DNAI4: variants seen among roughly 807,000 people sequenced by gnomAD.
DNAI4 encodes the protein WD repeat domain 78.
A neutral mutation model predicts 105.8 loss-of-function variants in DNAI4; 85 were observed. The observed-to-expected ratio is 0.80, with a 90% CI of 0.67 to 0.96. The LOEUF (loss-of-function observed/expected upper bound fraction) is 0.96. DNAI4 is among the 40% of genes least tolerant of loss of function. The probability of loss-of-function intolerance (pLI) is 0.00; values close to 1 mark genes in which losing one functional copy is unlikely to be tolerated. For synonymous variants in DNAI4, 352 were observed against 331.5 expected (o/e 1.06, Z -0.67); for missense variants, 1,014 against 1,005.6 (o/e 1.01, Z -0.11).
At chr1:66,913,120 TC>T in intron 1 of DNAI4, among the ~76,000 whole-genome samples, 1 of 152,290 alleles carries the variant, frequency 6.6e-6, no homozygotes, top group South Asian at 2.1e-4. Context: ...GTTTTTTCTT[TC>T]CTGCTTCTAA....
At chr1:66,843,489 T>C (rs146008464) in intron 8 of DNAI4, among the ~76,000 whole-genome samples, 1 of 152,322 alleles carries the variant, frequency 6.6e-6, no homozygotes, top group African/African-American at 2.4e-5. Context: ...ACTTGTCTTC[T>C]TATTCTCTTG....
chr1:66,815,985 G>C (rs1645507029), intron 16 of DNAI4, among the ~76,000 whole-genome samples: 1 of 152,026 alleles, frequency 6.6e-6, no homozygotes, highest in Non-Finnish European at 1.5e-5. Flanking sequence ...ATCGGGAAGG[G>C]GCCAGAGTTT....
chr1:66,826,503 G>C (rs1645756991), intron 15 of DNAI4, among the ~76,000 whole-genome samples: 1 of 152,078 alleles, frequency 6.6e-6, no homozygotes, highest in Non-Finnish European at 1.5e-5. Context: ...TTGCCATGTT[G>C]GCCAGGCTGG....
At position 66,898,633 on chromosome 1, in the gene DNAI4, T is replaced by G. The variant is rs570351156; in HGVS notation, c.346-5220A>C. Among the ~76,000 whole-genome samples, 19 of 152,302 alleles carry G rather than the reference T, an allele frequency of 1.2e-4. No homozygotes were observed. The South Asian group carries it at 3.9e-3, about 32-fold the overall frequency. On this transcript the variant is annotated intron_variant, in intron 2 of 16. Transcript: ENST00000371026. The stretch of plus-strand genomic sequence containing the variant: ...CAGGACCCTGCAGAGAGTCCCCCAC[T>G]AGCGAGGAGATCCTCACCAGATGTG...
chr1:66,909,285 T>TAC (rs71058481), intron 1 of DNAI4, among the ~76,000 whole-genome samples: 3,723 of 134,520 alleles, frequency 0.028, 76 homozygotes, highest in African/African-American at 0.039. Flanking sequence ...CACCTCTCTC[T>TAC]ACACACACAC....
intron 3 of DNAI4, among the ~76,000 whole-genome samples, chr1:66,891,497 T>TGGGTGAAATGGA (rs1553227137): frequency 6.6e-6 from 1 of 152,272 alleles, no homozygotes; most frequent in African/African-American, 2.4e-5. Context: ...AGTCTCGCTC[T>TGGGTGAAATGGA]GTCACCCAGG....
At chr1:66,893,766 C>G (rs948670876) in intron 2 of DNAI4, among the ~76,000 whole-genome samples, 4 of 152,148 alleles carry the variant, frequency 2.6e-5, no homozygotes, top group Admixed American at 2.0e-4. Flanking sequence ...CTTAACATTT[C>G]ATTAATAGGC....
At chr1:66,919,681 G>A (rs1323501743) in intron 1 of DNAI4, among the ~76,000 whole-genome samples, 2 of 152,144 alleles carry the variant, frequency 1.3e-5, no homozygotes, top group Non-Finnish European at 2.9e-5. Context: ...AATATACCTA[G>A]AATGTTATGT....
In DNAI4 at chr1:66,916,014, G is replaced by T. The variant is rs569824843; in HGVS notation, c.170+8648C>A. ...GTGTGCACCTATAATCCATCTACCTGGGAGACTGAGAAAGGAGAATTGCTT... is the reference window on the plus strand; with the variant it reads ...GTGTGCACCTATAATCCATCTACCTTGGAGACTGAGAAAGGAGAATTGCTT... On this transcript the variant is annotated intron_variant, in intron 1 of 16. Transcript: ENST00000371026. Among the ~76,000 whole-genome samples, 4 of 151,350 alleles carry T rather than the reference G, an allele frequency of 2.6e-5. No homozygotes were observed. In the South Asian group the frequency reaches 8.4e-4, roughly 32 times the overall value.
rs1267941796 is a variant in DNAI4, at chr1:66,813,973, C to T, written c.*157G>A. 6 of 547,276 alleles carry T rather than the reference C, an allele frequency of 1.1e-5. No homozygotes were observed. The highest frequency in any genetic ancestry group is 1.9e-5 in the Non-Finnish European group (6 of 323,352). The allele number at this position is 547,276 out of a possible 1,614,324, so 33.9% of individuals were successfully genotyped here. ...CTTAGATTGTAAACTAATCAAATAT[C>T]TCTGAAATAAAAGTTTATTAAATTT... On this transcript the variant is annotated 3_prime_UTR_variant, in exon 17 of 17. Transcript: ENST00000371026.
At chr1:66,923,704 G>A (rs965726938) in intron 1 of DNAI4, among the ~76,000 whole-genome samples, 1 of 152,198 alleles carries the variant, frequency 6.6e-6, no homozygotes, top group African/African-American at 2.4e-5. Context: ...ATTCAAGAGA[G>A]AATGCAAGGT....
chr1:66,875,010 A>C, intron 4 of DNAI4, 73 bp from the exon 5 acceptor site: 1 of 1,311,218 alleles, frequency 7.6e-7, no homozygotes, highest in Middle Eastern at 2.6e-4. Context: ...TCTAGTCACC[A>C]ATATACCATA....
chr1:66,823,228 G>A (rs997529048), intron 15 of DNAI4, among the ~76,000 whole-genome samples: 2 of 146,126 alleles, frequency 1.4e-5, no homozygotes, highest in African/African-American at 5.0e-5. Flanking sequence ...TCCCTACAAA[G>A]GACATGAACT....
intron 4 of DNAI4, among the ~76,000 whole-genome samples, chr1:66,883,046 T>C (rs906314967): frequency 2.6e-5 from 4 of 152,102 alleles, no homozygotes; most frequent in African/African-American, 9.6e-5. Flanking sequence ...AAATGTTTTT[T>C]GTTGTTGTAG....
At chr1:66,851,445 C>A (rs1392068880) in intron 7 of DNAI4, among the ~76,000 whole-genome samples, 1 of 151,780 alleles carries the variant, frequency 6.6e-6, no homozygotes, top group Non-Finnish European at 1.5e-5. Context: ...ACATCATCAA[C>A]TAAAAAGATG....
At chr1:66,836,224 GAGAGAGAGAGAAAGAA>G (rs1646001596) in intron 10 of DNAI4, among the ~76,000 whole-genome samples, 1 of 128,594 alleles carries the variant, frequency 7.8e-6, no homozygotes, top group East Asian at 2.2e-4. Context: ...GAGAGAGAGA[GAGAGAGAGAGAAAGAA>G]AGAAAGAGAG....
chr1:66,854,609 C>G (rs561634508), intron 7 of DNAI4, among the ~76,000 whole-genome samples: 1 of 152,206 alleles, frequency 6.6e-6, no homozygotes, highest in Non-Finnish European at 1.5e-5. Flanking sequence ...CGAGACCAGC[C>G]TGGCCAGCAT....
At chr1:66,913,074 T>G (rs566883584) in intron 1 of DNAI4, among the ~76,000 whole-genome samples, 37 of 152,338 alleles carry the variant, frequency 2.4e-4, no homozygotes, top group African/African-American at 8.4e-4. Context: ...TTGAGCTTGC[T>G]TCCAACAGGG....
At chr1:66,865,699 C>G (rs1646718376) in intron 6 of DNAI4, among the ~76,000 whole-genome samples, 1 of 152,066 alleles carries the variant, frequency 6.6e-6, no homozygotes, top group Admixed American at 6.6e-5. Context: ...TAAGAACAGC[C>G]CAGATTGCAT....
Sources: gnomAD v4.1 joint callset for allele counts (sites outside exome capture counted in the v4.1 genomes callset) on GRCh38, gnomAD v4.1.1 for gene constraint, MANE v1.5 for transcripts, NCBI Gene and HGNC (gene_info 2026-07-23, HGNC 2026-07-21) for gene names.